The following POU4F1 variants were observed in gnomAD, a reference collection of about 807,000 sequenced individuals.
POU4F1 encodes POU domain, class 4, transcription factor 1.
POU4F1 carries 5 observed loss-of-function variants against 19.8 expected under a neutral mutation model. That is an observed-to-expected ratio of 0.25 (90% CI 0.13 to 0.53). POU4F1 has a LOEUF of 0.53. Ranked by LOEUF, POU4F1 falls within the 20% of genes least tolerant of loss-of-function variation. The pLI, the probability that POU4F1 is intolerant of heterozygous loss-of-function variation, is 0.96. For missense variants in POU4F1, 408 were observed against 511.6 expected, an observed-to-expected ratio of 0.80 and a Z score of 1.95; for synonymous variants, 266 against 247.7, an observed-to-expected ratio of 1.07 and a Z score of -0.69.
At position 78,601,205 on chromosome 13, in the gene POU4F1, C is replaced by T; in HGVS notation, c.*210G>A. 1 of 701,898 alleles carries T rather than the reference C, an allele frequency of 1.4e-6. No individual in the cohort carries two copies. Among genetic ancestry groups the T allele is most frequent in the South Asian group, 1.9e-5 (1 of 53,266 alleles). 43.5% of individuals were successfully genotyped at this position (701,898 alleles called of 1,614,324 possible). On this transcript the variant is annotated 3_prime_UTR_variant, in exon 2 of 2. Coordinates refer to ENST00000377208, the MANE Select transcript of POU4F1 (RefSeq NM_006237.4). ...TTCTCCCCTACCCTATACTCCAATC[C>T]CCACACCCAGCACCCCAGTCCTCAA...
Position 78,602,045 on chromosome 13 carries a change from C to A in POU4F1, c.630G>T (p.Met210Ile), listed in dbSNP as rs1874720444. 3.8e-5 allele frequency: 20 copies of A among 527,470 alleles called. No individual in the cohort carries two copies. The highest frequency in any genetic ancestry group is 4.3e-5 in the Non-Finnish European group (18 of 414,018). The allele number at this position is 527,470 out of a possible 1,614,324, so 32.7% of individuals were successfully genotyped here. Residue 210 changes from methionine (M) to isoleucine (I), a missense_variant, in exon 2 of 2, where the codon ATG (methionine) becomes ATT (isoleucine). Met to Ile is a conservative substitution (Grantham distance 10, BLOSUM62 1). Coordinates refer to ENST00000377208, the MANE Select transcript of POU4F1 (RefSeq NM_006237.4). Reference sequence around the variant, plus strand: ...GCCCGGGGTGCGGCAGCCCGGACGGCATGTTCATGGCGGCCGCCGCCGCGG... The same window carrying A: ...GCCCGGGGTGCGGCAGCCCGGACGGAATGTTCATGGCGGCCGCCGCCGCGG... ...SHPAAAAAMN[M>I]PSGLPHPGLV...
Position 78,603,281 on chromosome 13 carries a change from T to A in POU4F1, c.46A>T (p.Thr16Ser). Reference protein sequence around the residue: ...SKQPHFAMHPTLPEHKYPSLH... With the variant: ...SKQPHFAMHPSLPEHKYPSLH... ...GACGGGTACTTGTGCTCAGGGAGGGTGGGATGCATGGCAAAGTGAGGCTGC... is the reference window on the plus strand; with the variant it reads ...GACGGGTACTTGTGCTCAGGGAGGGAGGGATGCATGGCAAAGTGAGGCTGC... Residue 16 changes from threonine to serine, a missense_variant, in exon 1 of 2, where the codon ACC (threonine) becomes TCC (serine). Coordinates refer to ENST00000377208, the MANE Select transcript of POU4F1 (RefSeq NM_006237.4). 1.3e-6 allele frequency: 2 copies of A among 1,579,558 alleles called. No individual in the cohort carries two copies. Among genetic ancestry groups the A allele is most frequent in the Non-Finnish European group, 1.7e-6 (2 of 1,164,182 alleles).
At position 78,600,425 on chromosome 13, in the gene POU4F1, A is replaced by C. The variant is rs1209780633; in HGVS notation, c.*990T>G. The C allele has an allele frequency of 2.0e-5, 3 of 152,200 alleles. No homozygotes were observed. Among genetic ancestry groups the C allele is most frequent in the Admixed American group, 1.3e-4 (2 of 15,284 alleles). The allele number at this position is 152,200 out of a possible 1,614,324, so 9.4% of individuals were successfully genotyped here. ...TAAGAGGAAAAAAAACTGTTGTTAA[A>C]ATTGTTTCATTTTCCTAGAATAAGA... On this transcript the variant is annotated 3_prime_UTR_variant, in exon 2 of 2. Transcript: ENST00000377208.
chr13:78,603,430 C>G lies in POU4F1; in HGVS notation c.-104G>C, dbSNP rs1178228218. On this transcript the variant is annotated 5_prime_UTR_variant, in exon 1 of 2. Coordinates refer to ENST00000377208, the MANE Select transcript of POU4F1 (RefSeq NM_006237.4). ...CTTCGGAGGCTGCAGCCGCGGCGGT[C>G]GCGGCGGCTGGCGGCGGCCCCGCCG... 3 of 1,393,570 alleles carry G rather than the reference C, an allele frequency of 2.2e-6. No individual in the cohort carries two copies. 86.3% of individuals were successfully genotyped at this position (1,393,570 alleles called of 1,614,324 possible).
chr13:78,603,085 C>T lies in POU4F1; in HGVS notation c.123+119G>A, dbSNP rs1874778392. On this transcript the variant is annotated intron_variant, in intron 1 of 1. Transcript: ENST00000377208. ...CGTGCCTCGCTGCGGGACTGCTCTA[C>T]ACCCCCTGCCCGCAGTTCCCCGCAC... is the stretch of plus-strand genomic sequence containing the variant. 6.2e-6 allele frequency: 5 copies of T among 808,206 alleles called. No individual in the cohort carries two copies. The South Asian group carries it at 1.4e-4, about 23-fold the overall frequency. The allele number at this position is 808,206 out of a possible 1,614,324, so 50.1% of individuals were successfully genotyped here.
chr13:78,601,859 C>A lies in POU4F1; in HGVS notation c.816G>T (p.Ala272=). 6.3e-7 allele frequency: 1 copy of A among 1,599,740 alleles called. No individual in the cohort carries two copies. Among genetic ancestry groups the A allele is most frequent in the Non-Finnish European group, 8.5e-7 (1 of 1,176,806 alleles). The change falls in exon 2 of 2, where the codon GCG becomes GCT. Residue 272 remains alanine (A), a synonymous_variant. Transcript: ENST00000377208. ...DTDPRELEAF[A]ERFKQRRIKL... ...TGATGCGCCGCTGCTTGAAGCGCTC[C>A]GCGAACGCCTCGAGCTCGCGCGGGT...
In POU4F1 at chr13:78,599,382, C is replaced by T. The variant is rs1874609974; in HGVS notation, c.*2033G>A. On this transcript the variant is annotated 3_prime_UTR_variant, in exon 2 of 2. Coordinates refer to ENST00000377208, the MANE Select transcript of POU4F1 (RefSeq NM_006237.4). ...GATGAACACTGGCAGTCTGTTACCA[C>T]TGTGTGAATGTGTGCATTAAATAAA... is the stretch of plus-strand genomic sequence containing the variant. The T allele has an allele frequency of 6.6e-6, 1 of 152,632 alleles. No individual in the cohort carries two copies. Among genetic ancestry groups the T allele is most frequent in the South Asian group, 2.1e-4 (1 of 4,826 alleles). 9.5% of individuals were successfully genotyped at this position (152,632 alleles called of 1,614,324 possible). A position where few individuals can be genotyped will look rare whatever the true frequency, so the allele number is the denominator to read the frequency against.
At position 78,603,270 on chromosome 13, in the gene POU4F1, C is replaced by A; in HGVS notation, c.57G>T (p.Glu19Asp). 1.9e-6 allele frequency: 3 copies of A among 1,577,548 alleles called. No homozygotes were observed. Among genetic ancestry groups the A allele is most frequent in the Non-Finnish European group, 2.6e-6 (3 of 1,163,242 alleles). The change falls in exon 1 of 2, where the codon GAG becomes GAT. Residue 19 changes from glutamate (E) to aspartate (D), a missense_variant. Physicochemically the swap from Glu to Asp is conservative, Grantham distance 45. This residue lies in a region of POU4F1 where 294 missense variants were observed against 288.2 expected (regional missense o/e 1.02). Coordinates refer to ENST00000377208, the MANE Select transcript of POU4F1 (RefSeq NM_006237.4). The stretch of plus-strand genomic sequence containing the variant: ...TGGAGTGCAGCGACGGGTACTTGTG[C>A]TCAGGGAGGGTGGGATGCATGGCAA... ...PHFAMHPTLP[E>D]HKYPSLHSSS...
Position 78,602,304 on chromosome 13 carries a change from G to A in POU4F1, c.371C>T (p.Ser124Leu). The change falls in exon 2 of 2, where the codon TCG becomes TTG. Residue 124 changes from serine (S) to leucine (L), a missense_variant. Around this residue, in one of 4 missense-constraint regions of POU4F1, gnomAD observed 294 missense variants for 288.2 expected, o/e 1.02. Coordinates refer to ENST00000377208, the MANE Select transcript of POU4F1 (RefSeq NM_006237.4). Reference sequence around the variant, plus strand: ...GCCCGCGCCGGCCATGAGCGCGAGCGACGGCGAGGAGATGTGGTCCAGCAG... The same window carrying A: ...GCCCGCGCCGGCCATGAGCGCGAGCAACGGCGAGGAGATGTGGTCCAGCAG... ...GDLLDHISSP[S>L]LALMAGAGGA... 2 of 1,254,376 alleles carry A rather than the reference G, an allele frequency of 1.6e-6. No individual in the cohort carries two copies. The highest frequency in any genetic ancestry group is 3.2e-5 in the East Asian group (1 of 31,676). The allele number at this position is 1,254,376 out of a possible 1,614,324, so 77.7% of individuals were successfully genotyped here.
rs146649790 is a variant in POU4F1 at position 78,600,840 on chromosome 13, T to A, written c.*575A>T. 105 of 154,834 alleles carry A rather than the reference T, an allele frequency of 6.8e-4. 1 individual carries two copies. In the South Asian group the frequency reaches 0.015, roughly 22 times the overall value. 9.6% of individuals were successfully genotyped at this position (154,834 alleles called of 1,614,324 possible). A position where few individuals can be genotyped will look rare whatever the true frequency, so the allele number is the denominator to read the frequency against. On this transcript the variant is annotated 3_prime_UTR_variant, in exon 2 of 2. Coordinates refer to ENST00000377208, the MANE Select transcript of POU4F1 (RefSeq NM_006237.4). ...TGTAGGGTTGGGGAGGTGGTAATAA[T>A]GGTGGTGCTCTTTTTTCTCTTCTAT...
In POU4F1 at chr13:78,601,411, C is replaced by A; in HGVS notation, c.*4G>T. ...TCTGTCCCGCCCGACACCTCCCAGCCCCCTCAGTAAGTGGCAGAGAATTTC... is the reference window on the plus strand; with the variant it reads ...TCTGTCCCGCCCGACACCTCCCAGCACCCTCAGTAAGTGGCAGAGAATTTC... On this transcript the variant is annotated 3_prime_UTR_variant, in exon 2 of 2. Transcript: ENST00000377208. The A allele has an allele frequency of 6.2e-7, 1 of 1,613,658 alleles. No homozygotes were observed. Among genetic ancestry groups the A allele is most frequent in the Non-Finnish European group, 8.5e-7 (1 of 1,180,028 alleles).
At position 78,601,805 on chromosome 13, in the gene POU4F1, G is replaced by A; in HGVS notation, c.870C>T (p.Gly290=). Residue 290 remains glycine (G), a synonymous_variant, in exon 2 of 2, where the codon GGC becomes GGT. Transcript: ENST00000377208. ...GGATCTTGAGGTTGGCCAGCGCCGA[G>A]CCCACGTCGGCCTGCGTCACGCCCA... ...IKLGVTQADV[G]SALANLKIPG... The A allele has an allele frequency of 1.2e-6, 2 of 1,612,154 alleles. No individual in the cohort carries two copies. The highest frequency in any genetic ancestry group is 1.7e-6 in the Non-Finnish European group (2 of 1,179,696).
chr13:78,601,397 C>T lies in POU4F1; in HGVS notation c.*18G>A, dbSNP rs908543476. 19 of 1,613,260 alleles carry T rather than the reference C, an allele frequency of 1.2e-5. No individual in the cohort carries two copies. Among genetic ancestry groups the T allele is most frequent in the Non-Finnish European group, 1.5e-5 (18 of 1,179,956 alleles). ...CCTCAGCTCCCCATTCTGTCCCGCC[C>T]GACACCTCCCAGCCCCCTCAGTAAG... is the stretch of plus-strand genomic sequence containing the variant. On this transcript the variant is annotated 3_prime_UTR_variant, in exon 2 of 2. Coordinates refer to ENST00000377208, the MANE Select transcript of POU4F1 (RefSeq NM_006237.4).
At position 78,599,522 on chromosome 13, in the gene POU4F1, A is replaced by C. The variant is rs1874614052; in HGVS notation, c.*1893T>G. ...CGCACTAGCCACAAAACGGTCTACC[A>C]GAAAGCTAGCCCAGTTTAGTGCTCA... On this transcript the variant is annotated 3_prime_UTR_variant, in exon 2 of 2. Transcript: ENST00000377208. The C allele has an allele frequency of 6.5e-6, 1 of 152,678 alleles. No individual in the cohort carries two copies. The highest frequency in any genetic ancestry group is 1.5e-5 in the Non-Finnish European group (1 of 68,038). 9.5% of individuals were successfully genotyped at this position (152,678 alleles called of 1,614,324 possible).
At chr13:78,602,773 A>T (rs981764487) in intron 1 of POU4F1, among the ~76,000 whole-genome samples, 8 of 114,828 alleles carry the variant, frequency 7.0e-5, no homozygotes, top group African/African-American at 2.7e-4. Flanking sequence ...GGGAGCGTGG[A>T]GAGGGGGACA....
chr13:78,602,569 C>A lies in POU4F1; in HGVS notation c.124-18G>T. ...CTCTGCAGCTGCAGGCGACACAAAC[C>A]AAACCAAAAAAACCACAAAACCAAA... On this transcript the variant is annotated intron_variant, in intron 1 of 1. Transcript: ENST00000377208. The A allele has an allele frequency of 6.9e-7, 1 of 1,442,422 alleles. No homozygotes were observed. Among genetic ancestry groups the A allele is most frequent in the Non-Finnish European group, 9.1e-7 (1 of 1,099,140 alleles). The allele number at this position is 1,442,422 out of a possible 1,614,324, so 89.4% of individuals were successfully genotyped here.
rs1323105697 is a variant in POU4F1 at position 78,599,473 on chromosome 13, G to C, written c.*1942C>G. On this transcript the variant is annotated 3_prime_UTR_variant, in exon 2 of 2. Coordinates refer to ENST00000377208, the MANE Select transcript of POU4F1 (RefSeq NM_006237.4). ...GAATATGACAAAAATGTTTTCAGTG[G>C]AAACAGGCAGTAGACTGTGAAATCG... 1 of 152,486 alleles carries C rather than the reference G, an allele frequency of 6.6e-6. No homozygotes were observed. Among genetic ancestry groups the C allele is most frequent in the African/African-American group, 2.4e-5 (1 of 41,408 alleles). The allele number at this position is 152,486 out of a possible 1,614,324, so 9.4% of individuals were successfully genotyped here.
At chr13:78,603,150 G>C (rs12583126) in intron 1 of POU4F1, 54 bp downstream of exon 1, 2 of 1,278,744 alleles carry the variant, frequency 1.6e-6, no homozygotes, top group Non-Finnish European at 2.0e-6. Context: ...GCAGCGTTTC[G>C]GAGACGGGGA....
Position 78,601,938 on chromosome 13 carries a change from G to A in POU4F1, c.737C>T (p.Ala246Val), listed in dbSNP as rs1159888057. The A allele has an allele frequency of 1.0e-5, 13 of 1,254,992 alleles. No homozygotes were observed. Among genetic ancestry groups the A allele is most frequent in the Non-Finnish European group, 1.3e-5 (13 of 1,002,842 alleles). The allele number at this position is 1,254,992 out of a possible 1,614,324, so 77.7% of individuals were successfully genotyped here. ...GCCCGCTGCGCCCACCACGGCCGCC[G>A]CCGCCGATGCCGCTGCCACCTGCCC... is the stretch of plus-strand genomic sequence containing the variant. ...AAGQVAAASA[A>V]AAVVGAAGLA... Residue 246 changes from alanine (A) to valine (V), a missense_variant, in exon 2 of 2, where the codon GCG becomes GTG. By Grantham distance (64) the Ala-to-Val change is moderately conservative. Transcript: ENST00000377208.
Sources: allele counts gnomAD v4.1 joint callset (sites outside exome capture counted in the v4.1 genomes callset), GRCh38; gene constraint gnomAD v4.1.1; regional missense constraint gnomAD v4.1.1; transcripts MANE v1.5; gene names NCBI Gene and HGNC (gene_info 2026-07-23, HGNC 2026-07-21).